MACROD2: variants seen among roughly 807,000 people sequenced by gnomAD.
MACROD2 encodes the protein ADP-ribose glycohydrolase MACROD2.
MACROD2 carries 36 observed loss-of-function variants against 70.4 expected under a neutral mutation model. That is an observed-to-expected ratio of 0.51 (90% CI 0.39 to 0.68). MACROD2 has a LOEUF of 0.68. Ranked by LOEUF, MACROD2 falls within the 30% of genes least tolerant of loss-of-function variation. MACROD2 has a pLI of 0.00. For missense variants in MACROD2, 496 were observed against 538.4 expected (o/e 0.92, Z 0.78); for synonymous variants, 172 against 178.8 (o/e 0.96, Z 0.30).
intron 4 of MACROD2, among the ~76,000 whole-genome samples, chr20:14,567,459 ATTAAAGGTCAACAGATCTCAGTGACTG>A (rs1316124634): frequency 1.3e-5 from 2 of 152,078 alleles, no homozygotes; most frequent in Non-Finnish European, 2.9e-5. Flanking sequence ...GCTATAGCTT[ATTAAAGGTCAACAGATCTCAGTGACTG>A]TTAGAATGAC....
At chr20:15,737,859 AATGG>A (rs74175640) in intron 8 of MACROD2, among the ~76,000 whole-genome samples, 1,518 of 149,826 alleles carry the variant, frequency 0.01, 25 homozygotes, top group African/African-American at 0.035. Context: ...TAAATAAATC[AATGG>A]ATGGATGGAT....
chr20:14,955,517 C>T (rs886611871), intron 5 of MACROD2, among the ~76,000 whole-genome samples: 4 of 151,614 alleles, frequency 2.6e-5, no homozygotes, highest in Non-Finnish European at 4.4e-5. Context: ...ATGATATATC[C>T]AAGGTAGAAG....
chr20:14,466,305 C>T (rs545879286), intron 3 of MACROD2, among the ~76,000 whole-genome samples: 39 of 152,210 alleles, frequency 2.6e-4, no homozygotes, highest in Middle Eastern at 6.8e-3. Flanking sequence ...TGCTGATACC[C>T]TTTCTTCCAG....
chr20:15,797,538 A>T (rs1430693936), intron 8 of MACROD2, among the ~76,000 whole-genome samples: 1 of 152,168 alleles, frequency 6.6e-6, no homozygotes, highest in African/African-American at 2.4e-5. Flanking sequence ...ATTTTTTATC[A>T]GCAAAGTAAA....
intron 6 of MACROD2, among the ~76,000 whole-genome samples, chr20:15,243,576 G>A (rs1218744682): frequency 1.3e-5 from 2 of 151,862 alleles, no homozygotes; most frequent in Non-Finnish European, 2.9e-5. Context: ...ATGCAGTGGG[G>A]CCAACTTGTA....
rs1002140013 is a variant in MACROD2 at position 15,229,920 on chromosome 20, C to T, written c.419-20C>T. ...AAAATACCTCGCTTATCCTCTTTTT[C>T]CTTCCTTTTGTATTTACAGATGTCA... On this transcript the variant is annotated intron_variant, in intron 5 of 17. Transcript: ENST00000684519. 7 of 1,579,876 alleles carry T rather than the reference C, an allele frequency of 4.4e-6. No homozygotes were observed. The highest frequency in any genetic ancestry group is 3.8e-5 in the Admixed American group (2 of 52,444).
intron 4 of MACROD2, among the ~76,000 whole-genome samples, chr20:14,495,504 T>A (rs2084843586): frequency 6.6e-6 from 1 of 152,178 alleles, no homozygotes; most frequent in Non-Finnish European, 1.5e-5. Context: ...CAAGAAGCAA[T>A]GCACTCATCA....
At chr20:14,346,010 C>T (rs1466343257) in intron 3 of MACROD2, among the ~76,000 whole-genome samples, 2 of 135,222 alleles carry the variant, frequency 1.5e-5, no homozygotes, top group South Asian at 2.5e-4. Context: ...AGGAGAATGG[C>T]GTGAACCTGG....
At chr20:15,522,818 T>C (rs893082301) in intron 8 of MACROD2, among the ~76,000 whole-genome samples, 1 of 152,124 alleles carries the variant, frequency 6.6e-6, no homozygotes, top group Non-Finnish European at 1.5e-5. Flanking sequence ...ATGGCAAGGG[T>C]TTCTGGTAGA....
At chr20:15,399,245 C>T (rs563146287) in intron 6 of MACROD2, among the ~76,000 whole-genome samples, 1 of 152,172 alleles carries the variant, frequency 6.6e-6, no homozygotes, top group African/African-American at 2.4e-5. Flanking sequence ...TCCTTCTACA[C>T]CCCAATTCAG....
At chr20:15,734,847 C>A (rs2050997864) in intron 8 of MACROD2, among the ~76,000 whole-genome samples, 1 of 152,126 alleles carries the variant, frequency 6.6e-6, no homozygotes, top group African/African-American at 2.4e-5. Flanking sequence ...ATAATGCTTT[C>A]CATTATGATA....
intron 4 of MACROD2, among the ~76,000 whole-genome samples, chr20:14,665,011 G>T (rs567726243): frequency 6.6e-6 from 1 of 152,106 alleles, no homozygotes; most frequent in Admixed American, 6.6e-5. Context: ...ATTTCAACTA[G>T]TTGGCAGATT....
chr20:14,423,693 C>G (rs2083901214), intron 3 of MACROD2, among the ~76,000 whole-genome samples: 1 of 114,880 alleles, frequency 8.7e-6, no homozygotes, highest in Non-Finnish European at 1.8e-5. Flanking sequence ...GAGCGAGACT[C>G]TGTCTCAAAA....
chr20:14,336,946 A>G (rs1268561745), intron 3 of MACROD2, among the ~76,000 whole-genome samples: 1 of 152,158 alleles, frequency 6.6e-6, no homozygotes, highest in Admixed American at 6.5e-5. Context: ...TGTGAGCAAG[A>G]TGTATGCTTT....
intron 6 of MACROD2, among the ~76,000 whole-genome samples, chr20:15,357,380 G>A (rs2078299806): frequency 6.6e-6 from 1 of 152,026 alleles, no homozygotes; most frequent in Non-Finnish European, 1.5e-5. Context: ...CAAGAATATG[G>A]TAGCTTTAAT....
chr20:14,815,664 A>G (rs912046103), intron 5 of MACROD2, among the ~76,000 whole-genome samples: 2 of 152,112 alleles, frequency 1.3e-5, no homozygotes, highest in Non-Finnish European at 2.9e-5. Flanking sequence ...TTTCTCTGGT[A>G]TAATGTAGCA....
At chr20:14,000,259 C>T (rs1363092491) in intron 1 of MACROD2, among the ~76,000 whole-genome samples, 1 of 152,062 alleles carries the variant, frequency 6.6e-6, no homozygotes, top group East Asian at 1.9e-4. Context: ...TCAACTTCTT[C>T]AATGTCCTAT....
chr20:15,595,075 G>C (rs2146676142), intron 8 of MACROD2, among the ~76,000 whole-genome samples: 1 of 152,200 alleles, frequency 6.6e-6, no homozygotes, highest in South Asian at 2.1e-4. Flanking sequence ...ACTGTATTCT[G>C]CATTTCTTAG....
intron 10 of MACROD2, among the ~76,000 whole-genome samples, chr20:15,895,750 C>T (rs2064961733): frequency 6.6e-6 from 1 of 152,204 alleles, no homozygotes. Context: ...GCCTGAGTTC[C>T]ACAGGATGGG....
Sources: gnomAD v4.1 joint callset for allele counts (sites outside exome capture counted in the v4.1 genomes callset) on GRCh38, gnomAD v4.1.1 for gene constraint, MANE v1.5 for transcripts, NCBI Gene and HGNC (gene_info 2026-07-23, HGNC 2026-07-21) for gene names.